The following FRMPD4 variants were observed in gnomAD, a reference collection of about 807,000 sequenced individuals.
FRMPD4 encodes the protein FERM and PDZ domain-containing protein 4.
In FRMPD4, 22 loss-of-function variants were observed where a neutral mutation model predicts 94.1. That is an observed-to-expected ratio of 0.23 (90% CI 0.17 to 0.33). The LOEUF is 0.33. FRMPD4 is among the 10% of genes least tolerant of loss of function. The pLI, the probability that FRMPD4 is intolerant of heterozygous loss-of-function variation, is 1.00. For missense variants in FRMPD4, 1,111 were observed against 1,339.9 expected (o/e 0.83, Z 2.67); for synonymous variants, 631 against 548.6 (o/e 1.15, Z -2.10).
intron 1 of FRMPD4, among the ~76,000 whole-genome samples, chrX:12,478,437 C>T (rs780845118): frequency 3.3e-3 from 365 of 111,615 alleles, no homozygotes; most frequent in Non-Finnish European, 5.9e-3. Flanking sequence ...ATTAGCTAGG[C>T]GCATGGTGGT....
intron 1 of FRMPD4, among the ~76,000 whole-genome samples, chrX:12,343,847 C>G (rs1445174187): frequency 3.6e-5 from 4 of 111,886 alleles, no homozygotes; most frequent in African/African-American, 1.3e-4. Flanking sequence ...TTACTAAGTT[C>G]ATGAACAAAA....
At chrX:12,110,848 G>C (rs1317999314) in intron 3 of FRMPD4, among the ~76,000 whole-genome samples, 4 of 111,021 alleles carry the variant, frequency 3.6e-5, no homozygotes. Context: ...AAATACCTAG[G>C]AATCCAACTT....
intron 1 of FRMPD4, among the ~76,000 whole-genome samples, chrX:12,426,239 T>C (rs1023156633): frequency 1.8e-5 from 2 of 111,335 alleles, no homozygotes; most frequent in South Asian, 7.8e-4. Flanking sequence ...AGACACATTA[T>C]AGAAACAAGA....
At chrX:11,923,619 T>A (rs1051970235) in intron 3 of FRMPD4, among the ~76,000 whole-genome samples, 3 of 111,900 alleles carry the variant, frequency 2.7e-5, no homozygotes, top group Non-Finnish European at 5.6e-5. Flanking sequence ...TGGGGCCCAA[T>A]ACAAGTCTCC....
chrX:12,477,416 G>T (rs2057616766), intron 1 of FRMPD4, among the ~76,000 whole-genome samples: 1 of 112,032 alleles, frequency 8.9e-6, no homozygotes, highest in Admixed American at 9.4e-5. Flanking sequence ...TAACAAACCT[G>T]CACGTTGTGC....
At chrX:12,136,736 G>C (rs779367308), upstream of FRMPD4, among the ~76,000 whole-genome samples, 5 of 110,797 alleles carry the variant, frequency 4.5e-5, no homozygotes, top group African/African-American at 1.6e-4. Context: ...ACGGGAGAGG[G>C]AAGTGGGCAG....
intron 1 of FRMPD4, among the ~76,000 whole-genome samples, chrX:12,362,386 G>C (rs1332661728): frequency 9.1e-6 from 1 of 109,997 alleles, no homozygotes; most frequent in Non-Finnish European, 1.9e-5. Context: ...GCCCCGGTGT[G>C]TGATGTTCCC....
intron 4 of FRMPD4, among the ~76,000 whole-genome samples, chrX:12,638,175 T>A (rs946358216): frequency 1.8e-5 from 2 of 112,936 alleles, no homozygotes; most frequent in Non-Finnish European, 1.9e-5. Flanking sequence ...ATTCATTGCA[T>A]CATGTTTTCT....
At chrX:12,502,377 CTAT>C (rs1001798184) in intron 2 of FRMPD4, among the ~76,000 whole-genome samples, 2 of 111,453 alleles carry the variant, frequency 1.8e-5, no homozygotes, top group African/African-American at 6.5e-5. Flanking sequence ...CAGTTCCTTA[CTAT>C]TACCAGTTAA....
chrX:12,678,254 G>A (rs1404615998), intron 5 of FRMPD4, among the ~76,000 whole-genome samples: 1 of 112,269 alleles, frequency 8.9e-6, no homozygotes, highest in Non-Finnish European at 1.9e-5. Flanking sequence ...TTATTGTTTT[G>A]CTATTATAAA....
intron 13 of FRMPD4, among the ~76,000 whole-genome samples, chrX:12,709,131 A>G (rs1183299128): frequency 1.8e-5 from 2 of 112,026 alleles, no homozygotes; most frequent in African/African-American, 3.2e-5. Context: ...TCCTGCCTAT[A>G]TAAAATAATG....
At chrX:11,827,036 A>C (rs1319324935) in intron 1 of FRMPD4, among the ~76,000 whole-genome samples, 1 of 89,857 alleles carries the variant, frequency 1.1e-5, no homozygotes, top group African/African-American at 4.0e-5. Context: ...AGAATTTAAA[A>C]TTTTTGTGTT....
At chrX:12,262,302 A>G (rs899047997) in intron 1 of FRMPD4, among the ~76,000 whole-genome samples, 1 of 111,642 alleles carries the variant, frequency 9.0e-6, no homozygotes, top group African/African-American at 3.3e-5. Context: ...ATTTTTAGAG[A>G]CAGAGTCTCA....
chrX:11,916,363 G>A (rs1367296268), intron 3 of FRMPD4, among the ~76,000 whole-genome samples: 2 of 111,121 alleles, frequency 1.8e-5, no homozygotes, highest in Non-Finnish European at 3.8e-5. Context: ...TTTCTGACAT[G>A]ACCATATCAA....
At chrX:12,667,057 C>T (rs983047146) in intron 4 of FRMPD4, among the ~76,000 whole-genome samples, 5 of 112,024 alleles carry the variant, frequency 4.5e-5, no homozygotes, top group Non-Finnish European at 9.4e-5. Context: ...TGTTTCACTG[C>T]ACTTTATCGC....
intron 4 of FRMPD4, among the ~76,000 whole-genome samples, chrX:12,635,777 C>A (rs957847041): frequency 8.9e-6 from 1 of 111,919 alleles, no homozygotes; most frequent in African/African-American, 3.3e-5. Flanking sequence ...GCCACTACAG[C>A]TGGTCATTCT....
chrX:11,892,167 C>T (rs951417804), intron 3 of FRMPD4, among the ~76,000 whole-genome samples: 7 of 111,801 alleles, frequency 6.3e-5, no homozygotes, highest in Admixed American at 4.7e-4. Context: ...TCAGAAATGA[C>T]GCTGCATTTT....
intron 1 of FRMPD4, among the ~76,000 whole-genome samples, chrX:12,427,012 G>A (rs774206508): frequency 1.2e-4 from 13 of 111,449 alleles, no homozygotes; most frequent in Non-Finnish European, 2.4e-4. Flanking sequence ...CTGTAGATAG[G>A]ATGGTGAGAA....
At chrX:12,701,155 C>T (rs1319454166) in intron 9 of FRMPD4, among the ~76,000 whole-genome samples, 17 of 103,307 alleles carry the variant, frequency 1.6e-4, no homozygotes, top group African/African-American at 5.8e-4. Context: ...TCACTGCAGC[C>T]GCAAACTCTT....
Sources: allele counts gnomAD v4.1 joint callset (sites outside exome capture counted in the v4.1 genomes callset), GRCh38; gene constraint gnomAD v4.1.1; transcripts MANE v1.5; gene names NCBI Gene and HGNC (gene_info 2026-07-23, HGNC 2026-07-21).